PRAMEF18: variants seen among roughly 807,000 people sequenced by gnomAD.
The protein encoded by PRAMEF18 is PRAME family member 18, also known as PRAME family member-like.
A neutral mutation model predicts 23.7 loss-of-function variants in PRAMEF18; 15 were observed. The observed-to-expected ratio is 0.63, with a 90% CI of 0.42 to 0.97. The LOEUF (loss-of-function observed/expected upper bound fraction) is 0.97, where lower values mean the gene tolerates loss of function less well. Ranked by LOEUF, PRAMEF18 falls within the 50% of genes least tolerant of loss-of-function variation. PRAMEF18 has a pLI of 0.00. For synonymous variants in PRAMEF18, 78 were observed against 159.9 expected (o/e 0.49, Z 3.86); for missense variants, 223 against 418.6 (o/e 0.53, Z 4.08).
chr1:13,224,662 C>T (rs1322793602), intron 2 of PRAMEF18, 193 bp downstream of exon 2: 5 of 1,064,992 alleles, frequency 4.7e-6, no homozygotes, highest in Admixed American at 2.8e-5. Context: ...CCCAGGTCAT[C>T]CCTCTGCCCT....
intron 2 of PRAMEF18, 30 bp downstream of exon 2, chr1:13,224,825 C>G: frequency 6.2e-7 from 1 of 1,613,664 alleles, no homozygotes; most frequent in Non-Finnish European, 8.5e-7. Flanking sequence ...GTGCTATGGC[C>G]CCCAGAGAAA....
chr1:13,226,134 C>G, upstream of PRAMEF18: 1 of 1,611,798 alleles, frequency 6.2e-7, no homozygotes, highest in Non-Finnish European at 8.5e-7. Flanking sequence ...AAAACAAATC[C>G]AGAGAAGACA....
intron 2 of PRAMEF18, 139 bp downstream of exon 2, chr1:13,224,716 C>G (rs1638815188): frequency 6.7e-7 from 1 of 1,490,238 alleles, no homozygotes; most frequent in East Asian, 2.3e-5. Flanking sequence ...TATAGAGCAC[C>G]AAACAGGACA....
At chr1:13,226,119 G>C (rs1437046430), upstream of PRAMEF18, 1 of 1,612,130 alleles carries the variant, frequency 6.2e-7, no homozygotes, top group Non-Finnish European at 8.5e-7. Flanking sequence ...TGATAAATCT[G>C]CAAGAAAACA....
exon 1 of PRAMEF18, chr1:13,226,095 C>G: frequency 6.2e-7 from 1 of 1,612,756 alleles, no homozygotes; most frequent in East Asian, 2.2e-5. Context: ...TGCGTGGGGC[C>G]TGGAAGCTCA....
At chr1:13,224,790 G>C in intron 2 of PRAMEF18, 65 bp downstream of exon 2, 1 of 1,611,280 alleles carries the variant, frequency 6.2e-7, no homozygotes, top group Non-Finnish European at 8.5e-7. Flanking sequence ...ATGCTGATTG[G>C]TGTTTATTGT....
At chr1:13,225,332 C>A (rs1435382541) in exon 2 of PRAMEF18, 1 of 1,612,008 alleles carries the variant, frequency 6.2e-7, no homozygotes, top group South Asian at 1.1e-5. Context: ...CTGTCTCTTA[C>A]TCATGGCCTC....
exon 2 of PRAMEF18, chr1:13,224,963 T>A (rs1474645928): frequency 6.2e-7 from 1 of 1,614,110 alleles, no homozygotes; most frequent in Non-Finnish European, 8.5e-7. Context: ...AACTAACTGT[T>A]CTTGGCTGTC....
At chr1:13,225,011 A>C in exon 2 of PRAMEF18, 4 of 1,614,148 alleles carry the variant, frequency 2.5e-6, no homozygotes, top group Non-Finnish European at 3.4e-6. Context: ...AGAGATGAAG[A>C]GTTTGCGAAG....
intron 2 of PRAMEF18, 75 bp downstream of exon 2, chr1:13,224,780 A>G (rs1569663384): frequency 6.2e-7 from 1 of 1,609,534 alleles, no homozygotes; most frequent in Non-Finnish European, 8.5e-7. Context: ...CACACAGTAG[A>G]TGCTGATTGG....
In PRAMEF18 at chr1:13,225,036, T is replaced by A; in HGVS notation, c.685A>T (p.Ser229Cys). ...AGTTTGCGAAGATTCCTCATCTGGCTCAGGTAACGGCTAAACTCTACTATC... is the reference window on the plus strand; with the variant it reads ...AGTTTGCGAAGATTCCTCATCTGGCACAGGTAACGGCTAAACTCTACTATC... The change falls in exon 2 of 3, where the codon AGC becomes TGC. Residue 229 changes from serine (S) to cysteine (C), a missense_variant. Ser to Cys is a moderately radical substitution (Grantham distance 112). Transcript: ENST00000624297. 5.0e-6 allele frequency: 8 copies of A among 1,614,168 alleles called. No individual in the cohort carries two copies. The South Asian group carries it at 6.6e-5, about 13-fold the overall frequency.
At chr1:13,225,124 C>T (rs1398319829) in exon 2 of PRAMEF18, 19 of 1,613,488 alleles carry the variant, frequency 1.2e-5, no homozygotes, top group East Asian at 4.5e-5. Flanking sequence ...ATACTGTTTC[C>T]AATATGTTTC....
At chr1:13,224,657 G>C in intron 2 of PRAMEF18, 198 bp downstream of exon 2, 1 of 1,025,240 alleles carries the variant, frequency 9.8e-7, no homozygotes, top group African/African-American at 1.6e-5. Context: ...TCTACCCCAG[G>C]TCATCCCTCT....
In PRAMEF18 at chr1:13,225,123, C is replaced by T. The variant is rs1165269965; in HGVS notation, c.598G>A (p.Glu200Lys). The T allele has an allele frequency of 2.5e-6, 4 of 1,613,666 alleles. No homozygotes were observed. In the Admixed American group the frequency reaches 5.0e-5, roughly 20 times the overall value. ...TGGATACTGTCTGGGTATACTGTTT[C>T]CAATATGTTTCTGAAATTTAGAATG... is the stretch of plus-strand genomic sequence containing the variant. The change falls in exon 2 of 3, where the codon GAA (glutamate) becomes AAA (lysine). Residue 200 changes from glutamate (E) to lysine (K), a missense_variant. By Grantham distance (56) the Glu-to-Lys change is moderately conservative (BLOSUM62 1). Transcript: ENST00000624297.
At chr1:13,226,075 T>G in exon 1 of PRAMEF18, 1 of 1,613,024 alleles carries the variant, frequency 6.2e-7, no homozygotes, top group Middle Eastern at 2.0e-4. Context: ...CCCTGCCAGC[T>G]CCAGGAGTCT....
chr1:13,225,016 G>A (rs375721952), exon 2 of PRAMEF18: 2 of 1,614,060 alleles, frequency 1.2e-6, no homozygotes, highest in Non-Finnish European at 1.7e-6. Context: ...TGAAGAGTTT[G>A]CGAAGATTCC....
chr1:13,224,757 C>T, intron 2 of PRAMEF18, 98 bp downstream of exon 2: 2 of 1,597,410 alleles, frequency 1.3e-6, no homozygotes, highest in South Asian at 2.3e-5. Flanking sequence ...CCCTAGACAT[C>T]TCCAGTGGCT....
intron 2 of PRAMEF18, 40 bp downstream of exon 2, chr1:13,224,815 G>A (rs1289471187): frequency 2.8e-5 from 45 of 1,613,218 alleles, no homozygotes; most frequent in Non-Finnish European, 3.7e-5. Flanking sequence ...AAAAAAGGCT[G>A]TGCTATGGCC....
chr1:13,224,803 C>T (rs1369224227), intron 2 of PRAMEF18, 52 bp downstream of exon 2: 2 of 1,612,392 alleles, frequency 1.2e-6, no homozygotes, highest in Non-Finnish European at 1.7e-6. Flanking sequence ...TTTATTGTAA[C>T]AAAAAAAGGC....
Sources: gnomAD v4.1 joint callset for allele counts on GRCh38, gnomAD v4.1.1 for gene constraint, MANE v1.5 for transcripts, NCBI Gene and HGNC (gene_info 2026-07-23, HGNC 2026-07-21) for gene names.